The following NSD2 variants were observed in gnomAD, a reference collection of about 807,000 sequenced individuals.
The protein encoded by NSD2 is nuclear receptor binding SET domain protein 2, also known as histone-lysine N-methyltransferase NSD2.
NSD2 carries 12 observed loss-of-function variants against 139.0 expected under a neutral mutation model. The observed-to-expected ratio is 0.09, with a 90% CI of 0.06 to 0.14. The LOEUF (loss-of-function observed/expected upper bound fraction) is 0.14, where lower values mean the gene tolerates loss of function less well. NSD2 is among the 10% of genes least tolerant of loss of function. The pLI is 1.00. For missense variants in NSD2, 1,155 were observed against 1,745.0 expected (o/e 0.66, Z 6.02); for synonymous variants, 669 against 648.7 (o/e 1.03, Z -0.48).
intron 17 of NSD2, among the ~76,000 whole-genome samples, chr4:1,960,569 T>C (rs1725265832): frequency 2.0e-5 from 3 of 152,242 alleles, no homozygotes. Flanking sequence ...AGAGAGTTCA[T>C]AAGCCTGGTG....
At chr4:1,971,967 C>T (rs896313528) in intron 18 of NSD2, among the ~76,000 whole-genome samples, 1 of 152,174 alleles carries the variant, frequency 6.6e-6, no homozygotes, top group Admixed American at 6.5e-5. Context: ...CACTTGTGGC[C>T]GGTTCAGAAA....
intron 18 of NSD2, among the ~76,000 whole-genome samples, chr4:1,969,315 A>G (rs536170276): frequency 1.1e-4 from 16 of 152,328 alleles, no homozygotes; most frequent in Admixed American, 3.9e-4. Flanking sequence ...GGAGACCTCC[A>G]TCAAGCCGAC....
At chr4:1,932,480 C>T (rs370107372) in intron 6 of NSD2, among the ~76,000 whole-genome samples, 1 of 151,178 alleles carries the variant, frequency 6.6e-6, no homozygotes, top group Non-Finnish European at 1.5e-5. Context: ...GGCGCAGTGG[C>T]TCCCGCCTGT....
chr4:1,884,625 C>T (rs559658673), intron 1 of NSD2, among the ~76,000 whole-genome samples: 1 of 152,072 alleles, frequency 6.6e-6, no homozygotes, highest in South Asian at 2.1e-4. Flanking sequence ...ATCTCCTGAC[C>T]TCACGATCTG....
At chr4:1,947,818 G>A (rs1020571729) in intron 9 of NSD2, 19 of 1,047,878 alleles carry the variant, frequency 1.8e-5, no homozygotes, top group East Asian at 5.6e-5. Flanking sequence ...AAACGATGTC[G>A]TATTCAAGTT....
At chr4:1,927,770 G>A (rs1721131802) in intron 5 of NSD2, among the ~76,000 whole-genome samples, 1 of 147,912 alleles carries the variant, frequency 6.8e-6, no homozygotes, top group Admixed American at 6.8e-5. Context: ...GAGCAGGCAG[G>A]ATGAAGGAGG....
chr4:1,898,526 T>A (rs1250408766), intron 1 of NSD2, among the ~76,000 whole-genome samples: 3 of 151,208 alleles, frequency 2.0e-5, no homozygotes, highest in Non-Finnish European at 4.4e-5. Flanking sequence ...TAGCCGGGCG[T>A]GGTGGTGGGC....
chr4:1,887,277 T>A (rs1560558972), intron 1 of NSD2, among the ~76,000 whole-genome samples: 1 of 152,158 alleles, frequency 6.6e-6, no homozygotes, highest in Non-Finnish European at 1.5e-5. Context: ...GATCTGCCAG[T>A]CGTTTTAAAT....
chr4:1,882,923 T>C (rs1714811074), intron 1 of NSD2, among the ~76,000 whole-genome samples: 1 of 152,186 alleles, frequency 6.6e-6, no homozygotes. Context: ...AGTTGAGAGC[T>C]ACTGTCTGAA....
In NSD2 at chr4:1,942,577, A is replaced by G; in HGVS notation, c.1881+2799A>G. 7.4e-7 allele frequency: 1 copy of G among 1,352,570 alleles called. No individual in the cohort carries two copies. The highest frequency in any genetic ancestry group is 9.5e-7 in the Non-Finnish European group (1 of 1,050,848). The allele number at this position is 1,352,570 out of a possible 1,614,324, so 83.8% of individuals were successfully genotyped here. A position where few individuals can be genotyped will look rare whatever the true frequency, so the allele number is the denominator to read the frequency against. On this transcript the variant is annotated intron_variant, in intron 9 of 21. Coordinates refer to ENST00000508803, the MANE Select transcript of NSD2 (RefSeq NM_001042424.3). This position sits in a 1 kb window ranked among gnomAD's most constrained non-coding sequence, Gnocchi z 4.0. ...ATTTTAAGACCAAGGTAAGATAACTAATCAAGGCCATTTAATCCGTCACAT... is the reference window on the plus strand; with the variant it reads ...ATTTTAAGACCAAGGTAAGATAACTGATCAAGGCCATTTAATCCGTCACAT...
rs184702774 is a variant in NSD2 at position 1,883,826 on chromosome 4, C to T, written c.-30+12284C>T. On this transcript the variant is annotated intron_variant, in intron 1 of 21. Coordinates refer to ENST00000508803, the MANE Select transcript of NSD2 (RefSeq NM_001042424.3). ...TGAGCTGAAGGAGCTGCCTAGATGG[C>T]GATAAGAAGCGAGTGTGGCCCACAT... Among the ~76,000 whole-genome samples, 150 of 152,246 alleles carry T rather than the reference C, an allele frequency of 9.9e-4. 1 individual carries two copies. Among genetic ancestry groups the T allele is most frequent in the African/African-American group, 3.0e-3 (125 of 41,556 alleles).
At chr4:1,950,092 A>G (rs1306760320) in intron 9 of NSD2, among the ~76,000 whole-genome samples, 3 of 152,240 alleles carry the variant, frequency 2.0e-5, no homozygotes, top group African/African-American at 7.2e-5. Flanking sequence ...AGTGTTCAAC[A>G]CTTATTTACC....
rs1352185015 is a variant in NSD2 at position 1,940,425 on chromosome 4, A to G, written c.1881+647A>G. ...GGCTGCTGCCTGCCATCATTGTAAC[A>G]TGACACTTAGACTTTATTATCAAAC... On this transcript the variant is annotated intron_variant, in intron 9 of 21. Transcript: ENST00000508803. 3.8e-6 allele frequency: 4 copies of G among 1,063,580 alleles called. 1 individual carries two copies. The Admixed American group carries it at 1.6e-4, about 43-fold the overall frequency. The allele number at this position is 1,063,580 out of a possible 1,614,324, so 65.9% of individuals were successfully genotyped here. A position where few individuals can be genotyped will look rare whatever the true frequency, so the allele number is the denominator to read the frequency against.
intron 1 of NSD2, among the ~76,000 whole-genome samples, chr4:1,879,502 A>G (rs899855474): frequency 6.6e-6 from 1 of 152,124 alleles, no homozygotes; most frequent in African/African-American, 2.4e-5. Flanking sequence ...TACAGGCTTG[A>G]GCCACCGCGC....
intron 9 of NSD2, chr4:1,941,458 C>A (rs1443566282): frequency 3.8e-6 from 4 of 1,047,408 alleles, no homozygotes; most frequent in Admixed American, 5.5e-5. Context: ...TCGAGGCCTG[C>A]CCATGAGTCA....
intron 5 of NSD2, among the ~76,000 whole-genome samples, chr4:1,924,684 G>T (rs1272377506): frequency 1.3e-5 from 2 of 151,942 alleles, no homozygotes; most frequent in African/African-American, 4.8e-5. Context: ...GCCGAGGAGG[G>T]TAGGATGCTT....
intron 7 of NSD2, 39 bp from the exon 8 acceptor site, chr4:1,938,412 C>CTTTGTTTTTTTTTTTTTTT: frequency 1.6e-6 from 1 of 635,584 alleles, no homozygotes; most frequent in Non-Finnish European, 2.0e-6. Flanking sequence ...TTTTTTTTTT[C>CTTTGTTTTTTTTTTTTTTT]TTTCTTTTTT....
intron 5 of NSD2, among the ~76,000 whole-genome samples, chr4:1,930,307 C>A (rs1256009226): frequency 6.6e-6 from 1 of 152,036 alleles, no homozygotes; most frequent in Non-Finnish European, 1.5e-5. Context: ...TTCAGGGGTG[C>A]CTAGAGGCTG....
chr4:1,938,604 T>C (rs2108892384), intron 8 of NSD2, 72 bp downstream of exon 8: 3 of 1,240,748 alleles, frequency 2.4e-6, no homozygotes, highest in Non-Finnish European at 3.5e-6. Flanking sequence ...GGGCTGAGAG[T>C]GTGAAAGGGG....
Sources: allele counts gnomAD v4.1 joint callset (sites outside exome capture counted in the v4.1 genomes callset), GRCh38; gene constraint gnomAD v4.1.1; non-coding constraint Gnocchi (gnomAD v3.1); transcripts MANE v1.5; gene names NCBI Gene and HGNC (gene_info 2026-07-23, HGNC 2026-07-21).